The following COX15 variants were observed in gnomAD, a reference collection of about 807,000 sequenced individuals.
COX15 encodes cytochrome c oxidase assembly factor COX15.
COX15 carries 51 observed loss-of-function variants against 51.9 expected under a neutral mutation model. The ratio of observed to expected loss-of-function variants is 0.98; its 90% confidence interval spans 0.78 to 1.24. The LOEUF (loss-of-function observed/expected upper bound fraction) is 1.24, where lower values mean the gene tolerates loss of function less well. Ranked by LOEUF, COX15 falls within the 50% of genes most tolerant of loss-of-function variation. COX15 has a pLI of 0.00. For missense variants in COX15, 420 were observed against 501.1 expected (o/e 0.84, Z 1.55); for synonymous variants, 188 against 190.5 (o/e 0.99, Z 0.11).
At chr10:99,698,962 A>C in the COX15 span, 2 of 1,096,048 alleles carry the variant, frequency 1.8e-6, no homozygotes, top group Non-Finnish European at 2.6e-6. Context: ...ACAGAATCTC[A>C]CTTGTTCTTT....
chr10:99,702,553 A>G, the COX15 span: 2 of 1,609,848 alleles, frequency 1.2e-6, no homozygotes, highest in Non-Finnish European at 1.7e-6. Flanking sequence ...CAAGTCTTAC[A>G]TGAAGGATTC....
At chr10:99,696,693 G>GT in the COX15 span, among the ~76,000 whole-genome samples, 3 of 152,204 alleles carry the variant, frequency 2.0e-5, no homozygotes, top group Admixed American at 6.5e-5. Flanking sequence ...TGTACAAACA[G>GT]TGGTGGGATT....
rs779762294 is a variant in COX15 at position 99,713,238 on chromosome 10, T to G, written c.*1349A>C. The G allele has an allele frequency of 1.2e-4, 176 of 1,416,866 alleles. No individual in the cohort carries two copies. Among genetic ancestry groups the G allele is most frequent in the Non-Finnish European group, 1.5e-4 (164 of 1,062,986 alleles). The allele number at this position is 1,416,866 out of a possible 1,614,324, so 87.8% of individuals were successfully genotyped here. On this transcript the variant is annotated 3_prime_UTR_variant, in exon 9 of 9. Coordinates refer to ENST00000016171, the MANE Select transcript of COX15 (RefSeq NM_078470.6). ...CAACTAAAATCCCGTCTTTTTTATA[T>G]GAAATGATATAAGGCCAGGTTTCTT...
Position 99,727,500 on chromosome 10 carries a change from T to A in COX15, c.336A>T (p.Thr112=). 1 of 1,613,958 alleles carries A rather than the reference T, an allele frequency of 6.2e-7. No individual in the cohort carries two copies. The highest frequency in any genetic ancestry group is 8.5e-7 in the Non-Finnish European group (1 of 1,179,994). ...WHLIKEMKPP[T]SQEEWEAEFQ... is the part of the protein sequence containing the mutation. ...ATTCTGCTTCCCATTCCTCTTGGCT[T>A]GTAGGTGGCTTCATCTCCTTTATTA... Residue 112 remains threonine, a synonymous_variant, in exon 3 of 9, where the codon ACA becomes ACT. Coordinates refer to ENST00000016171, the MANE Select transcript of COX15 (RefSeq NM_078470.6).
Position 99,713,542 on chromosome 10 carries a change from G to T in COX15, c.*1045C>A. The T allele has an allele frequency of 6.4e-7, 1 of 1,564,056 alleles. No homozygotes were observed. ...CAGCAGTCAACAATTTGTTTATCTG[G>T]GTAGATGTCCATGCACTACACCATC... is the stretch of plus-strand genomic sequence containing the variant. On this transcript the variant is annotated 3_prime_UTR_variant, in exon 9 of 9. Coordinates refer to ENST00000016171, the MANE Select transcript of COX15 (RefSeq NM_078470.6).
the COX15 span, among the ~76,000 whole-genome samples, chr10:99,695,240 C>T: frequency 6.6e-6 from 1 of 152,090 alleles, no homozygotes; most frequent in African/African-American, 2.4e-5. Flanking sequence ...GAAAAGGCCA[C>T]AGAACCGGGC....
Position 99,714,338 on chromosome 10 carries a change from T to C in COX15, c.*249A>G. ...CCTGTTAAGCAGCAAATGGCAGACA[T>C]TTCTTTCTCTACATTAAAACTGATT... On this transcript the variant is annotated 3_prime_UTR_variant, in exon 9 of 9. Transcript: ENST00000016171. 7.8e-7 allele frequency: 1 copy of C among 1,284,276 alleles called. No individual in the cohort carries two copies. Among genetic ancestry groups the C allele is most frequent in the Non-Finnish European group, 9.9e-7 (1 of 1,005,952 alleles). 79.6% of individuals were successfully genotyped at this position (1,284,276 alleles called of 1,614,324 possible).
At chr10:99,699,687 C>T in the COX15 span, among the ~76,000 whole-genome samples, 1 of 152,140 alleles carries the variant, frequency 6.6e-6, no homozygotes, top group Non-Finnish European at 1.5e-5. Context: ...GCCTCAGCCT[C>T]CCGAGTAGCT....
At chr10:99,718,761 G>C (rs951817316) in intron 6 of COX15, among the ~76,000 whole-genome samples, 1 of 152,060 alleles carries the variant, frequency 6.6e-6, no homozygotes, top group Non-Finnish European at 1.5e-5. Flanking sequence ...TGTGGTGTGG[G>C]GGGAGGGGGA....
the COX15 span, chr10:99,698,950 A>G: frequency 2.5e-6 from 3 of 1,190,136 alleles, no homozygotes; most frequent in Non-Finnish European, 2.3e-6. Context: ...AGGGCTTTGC[A>G]TACAGAATCT....
At position 99,711,806 on chromosome 10, in the gene COX15, G is replaced by A; in HGVS notation, c.*2781C>T. On this transcript the variant is annotated 3_prime_UTR_variant, in exon 9 of 9. Transcript: ENST00000016171. ...AACTGTTTTGCTAAGAATCACCTGT[G>A]TTAGTCGGCTTGCATTGCTATAAGG... 1.0e-6 allele frequency: 1 copy of A among 985,498 alleles called. No homozygotes were observed. Among genetic ancestry groups the A allele is most frequent in the Non-Finnish European group, 1.2e-6 (1 of 830,002 alleles). The allele number at this position is 985,498 out of a possible 1,614,324, so 61.0% of individuals were successfully genotyped here. A position where few individuals can be genotyped will look rare whatever the true frequency, so the allele number is the denominator to read the frequency against.
chr10:99,711,847 T>G lies in COX15; in HGVS notation c.*2740A>C. On this transcript the variant is annotated 3_prime_UTR_variant, in exon 9 of 9. Coordinates refer to ENST00000016171, the MANE Select transcript of COX15 (RefSeq NM_078470.6). ...TGCTATAAGGAAATACTGACAATTTTTAGAAAGAAAAGAGGTTTATTTGGC... is the reference window on the plus strand; with the variant it reads ...TGCTATAAGGAAATACTGACAATTTGTAGAAAGAAAAGAGGTTTATTTGGC... 1.0e-6 allele frequency: 1 copy of G among 983,528 alleles called. No homozygotes were observed. Among genetic ancestry groups the G allele is most frequent in the Non-Finnish European group, 1.2e-6 (1 of 828,226 alleles). 60.9% of individuals were successfully genotyped at this position (983,528 alleles called of 1,614,324 possible).
intron 4 of COX15, 146 bp from the exon 5 acceptor site, chr10:99,724,269 G>A (rs1042899513): frequency 1.2e-5 from 11 of 885,674 alleles, no homozygotes; most frequent in Non-Finnish European, 1.8e-5. Flanking sequence ...TGCAATCTCC[G>A]CCTCCCAGGT....
chr10:99,709,206 G>T, downstream of COX15: 1 of 985,412 alleles, frequency 1.0e-6, no homozygotes, highest in Non-Finnish European at 1.2e-6. Flanking sequence ...GAACTTCGTT[G>T]TAATTCTTGG....
At chr10:99,696,082 T>C in the COX15 span, 1 of 1,614,220 alleles carries the variant, frequency 6.2e-7, no homozygotes, top group South Asian at 1.1e-5. Flanking sequence ...CCGGCAGCGC[T>C]ACGAAGACCT....
downstream of COX15, chr10:99,708,945 C>T: frequency 1.0e-6 from 1 of 985,406 alleles, no homozygotes; most frequent in Non-Finnish European, 1.2e-6. Flanking sequence ...TTTACAACTG[C>T]TTCTGACATT....
At chr10:99,698,653 G>T in the COX15 span, 1 of 1,614,170 alleles carries the variant, frequency 6.2e-7, no homozygotes, top group Non-Finnish European at 8.5e-7. Context: ...CGAGGAAGAG[G>T]AGACTGGGTG....
the COX15 span, among the ~76,000 whole-genome samples, chr10:99,699,180 A>G: frequency 6.6e-6 from 1 of 152,198 alleles, no homozygotes; most frequent in Non-Finnish European, 1.5e-5. Flanking sequence ...TTTATGCCCA[A>G]GAAATGTCAC....
chr10:99,712,847 G>T lies in COX15; in HGVS notation c.*1740C>A. ...CTTCCTGCAACTTTCATCCATTGCT[G>T]CCAGCTCTGCAGCATAATGGAAGCT... On this transcript the variant is annotated 3_prime_UTR_variant, in exon 9 of 9. Coordinates refer to ENST00000016171, the MANE Select transcript of COX15 (RefSeq NM_078470.6). 2.8e-6 allele frequency: 1 copy of T among 363,406 alleles called. No homozygotes were observed. The highest frequency in any genetic ancestry group is 3.8e-6 in the Non-Finnish European group (1 of 259,940). 22.5% of individuals were successfully genotyped at this position (363,406 alleles called of 1,614,324 possible).
Sources: gnomAD v4.1 joint callset for allele counts (sites outside exome capture counted in the v4.1 genomes callset) on GRCh38, gnomAD v4.1.1 for gene constraint, MANE v1.5 for transcripts, NCBI Gene and HGNC (gene_info 2026-07-23, HGNC 2026-07-21) for gene names.